Variants in AKAP13 observed in about 807,000 individuals in gnomAD.
AKAP13 encodes A-kinase anchor protein 13.
Under a neutral mutation model 264.5 loss-of-function variants are expected in AKAP13, and 80 were observed. The ratio of observed to expected loss-of-function variants is 0.30; its 90% CI spans 0.25 to 0.36. The LOEUF is 0.36. AKAP13 is among the 10% of genes least tolerant of loss of function. The pLI is 1.00. For synonymous variants in AKAP13, 1,380 were observed against 1,250.2 expected, an observed-to-expected ratio of 1.10 and a Z score of -2.19; for missense variants, 3,712 against 3,435.2, an observed-to-expected ratio of 1.08 and a Z score of -2.01.
intron 8 of AKAP13, among the ~76,000 whole-genome samples, chr15:85,618,605 C>T (rs1485581384): frequency 6.6e-6 from 1 of 152,074 alleles, no homozygotes; most frequent in Admixed American, 6.6e-5. Flanking sequence ...AAGTCTGTCC[C>T]TGAGAATGTT....
At chr15:85,643,073 G>C (rs1400089998) in intron 9 of AKAP13, among the ~76,000 whole-genome samples, 1 of 151,454 alleles carries the variant, frequency 6.6e-6, no homozygotes, top group Non-Finnish European at 1.5e-5. Context: ...TAAAGGCAGG[G>C]CTGTTCCCAT....
At chr15:85,522,679 C>G (rs2076864611) in intron 3 of AKAP13, among the ~76,000 whole-genome samples, 1 of 152,018 alleles carries the variant, frequency 6.6e-6, no homozygotes, top group South Asian at 2.1e-4. Context: ...TTATATATGT[C>G]TATGTAAGTA....
At chr15:85,740,993 G>A in intron 34 of AKAP13, 53 bp from the exon 35 acceptor site, 1 of 1,548,468 alleles carries the variant, frequency 6.5e-7, no homozygotes, top group Non-Finnish European at 8.7e-7. Flanking sequence ...GGATCCAGAA[G>A]CTCGCTGTCG....
intron 11 of AKAP13, among the ~76,000 whole-genome samples, chr15:85,656,487 C>T (rs1234283383): frequency 6.6e-6 from 1 of 152,080 alleles, no homozygotes; most frequent in Non-Finnish European, 1.5e-5. Context: ...CGCTCTGTCA[C>T]CCAGGCTGGA....
chr15:85,576,906 A>G (rs2079033516), intron 6 of AKAP13, among the ~76,000 whole-genome samples: 1 of 152,220 alleles, frequency 6.6e-6, no homozygotes, highest in African/African-American at 2.4e-5. Context: ...AATACGAGAA[A>G]TTAAAACTGT....
chr15:85,518,605 G>A (rs1257080376), intron 2 of AKAP13, among the ~76,000 whole-genome samples: 1 of 152,182 alleles, frequency 6.6e-6, no homozygotes, highest in Non-Finnish European at 1.5e-5. Flanking sequence ...GGCCAAGGCT[G>A]GAGGATTGCT....
At chr15:85,465,398 T>C (rs922747322) in intron 1 of AKAP13, among the ~76,000 whole-genome samples, 2 of 151,744 alleles carry the variant, frequency 1.3e-5, no homozygotes, top group Non-Finnish European at 2.9e-5. Context: ...ATGTGCACAA[T>C]GTGCAGGTTA....
At chr15:85,491,516 A>ATATATAT (rs1555434869) in intron 2 of AKAP13, among the ~76,000 whole-genome samples, 3 of 82,604 alleles carry the variant, frequency 3.6e-5, no homozygotes, top group Non-Finnish European at 6.1e-5. Context: ...ATTATATATT[A>ATATATAT]TATATATTAT....
intron 8 of AKAP13, among the ~76,000 whole-genome samples, chr15:85,627,151 C>A (rs1032931874): frequency 3.3e-5 from 5 of 152,184 alleles, no homozygotes; most frequent in African/African-American, 1.2e-4. Context: ...CTCCTGCTTG[C>A]TCTTTTCGTC....
At chr15:85,454,181 T>A (rs1596232258) in intron 1 of AKAP13, among the ~76,000 whole-genome samples, 1 of 151,834 alleles carries the variant, frequency 6.6e-6, no homozygotes, top group African/African-American at 2.4e-5. Context: ...TTTACAGGAG[T>A]CTAACCTCCC....
At chr15:85,515,012 C>G (rs767522940) in intron 2 of AKAP13, among the ~76,000 whole-genome samples, 2 of 137,072 alleles carry the variant, frequency 1.5e-5, no homozygotes, top group Non-Finnish European at 3.1e-5. Context: ...TTTGGGAAGG[C>G]CTGTGAAACT....
chr15:85,633,535 C>CTTTTTT (rs56687591), intron 8 of AKAP13, among the ~76,000 whole-genome samples: 3 of 97,738 alleles, frequency 3.1e-5, no homozygotes, highest in South Asian at 6.8e-4. Flanking sequence ...CTTTTTTTTT[C>CTTTTTT]TTTTTTTTTT....
chr15:85,584,989 A>G (rs1231573265), intron 7 of AKAP13, among the ~76,000 whole-genome samples: 3 of 152,134 alleles, frequency 2.0e-5, no homozygotes, highest in Non-Finnish European at 4.4e-5. Context: ...TATTTGCTTG[A>G]CCATGTGGTG....
At chr15:85,529,734 A>G (rs1018683849) in intron 3 of AKAP13, among the ~76,000 whole-genome samples, 2 of 152,242 alleles carry the variant, frequency 1.3e-5, no homozygotes, top group Admixed American at 6.5e-5. Flanking sequence ...ATTTCCGGAC[A>G]GTAGGGTGAG....
chr15:85,667,104 A>G (rs2083647565), intron 13 of AKAP13, among the ~76,000 whole-genome samples: 1 of 152,228 alleles, frequency 6.6e-6, no homozygotes, highest in Non-Finnish European at 1.5e-5. Flanking sequence ...TACATTTCTA[A>G]TTAAACAAAA....
At chr15:85,686,043 G>A (rs909533896) in intron 16 of AKAP13, among the ~76,000 whole-genome samples, 3 of 151,864 alleles carry the variant, frequency 2.0e-5, no homozygotes, top group African/African-American at 7.3e-5. Context: ...AAAACTTTTC[G>A]CCTCTCACAC....
chr15:85,467,692 A>G (rs2074799241), intron 1 of AKAP13, among the ~76,000 whole-genome samples: 1 of 152,098 alleles, frequency 6.6e-6, no homozygotes, highest in Admixed American at 6.5e-5. Flanking sequence ...CTGTATTTTT[A>G]CTGTTCTATC....
At chr15:85,721,937 G>A in intron 23 of AKAP13, 54 bp from the exon 24 acceptor site, 1 of 1,603,142 alleles carries the variant, frequency 6.2e-7, no homozygotes. Context: ...TTTACAAAAT[G>A]GTATTATGAG....
At chr15:85,443,738 G>T (rs1461466903) in intron 1 of AKAP13, among the ~76,000 whole-genome samples, 4 of 150,240 alleles carry the variant, frequency 2.7e-5, no homozygotes, top group Non-Finnish European at 5.9e-5. Flanking sequence ...TGTGTCAGTG[G>T]GTAAAAAGCA....
Sources: allele counts gnomAD v4.1 joint callset (sites outside exome capture counted in the v4.1 genomes callset), GRCh38; gene constraint gnomAD v4.1.1; transcripts MANE v1.5; gene names NCBI Gene and HGNC (gene_info 2026-07-23, HGNC 2026-07-21).